FMO3: variants seen among roughly 807,000 people sequenced by gnomAD.
FMO3 encodes flavin-containing monooxygenase 3.
A neutral mutation model predicts 39.4 loss-of-function variants in FMO3; 40 were observed. That is an observed-to-expected ratio of 1.02 (90% CI 0.79 to 1.32). The LOEUF is 1.32. Ranked by LOEUF, FMO3 falls within the 40% of genes most tolerant of loss-of-function variation. FMO3 has a pLI of 0.00. For missense variants in FMO3, 680 were observed against 651.8 expected, an observed-to-expected ratio of 1.04 and a Z score of -0.47; for synonymous variants, 219 against 228.8, an observed-to-expected ratio of 0.96 and a Z score of 0.39.
At chr1:171,111,654 C>G (rs777785263) in intron 6 of FMO3, among the ~76,000 whole-genome samples, 2 of 152,168 alleles carry the variant, frequency 1.3e-5, no homozygotes, top group Admixed American at 1.3e-4. Flanking sequence ...TCTCCTATAA[C>G]GTCCTCCAAG....
intron 2 of FMO3, among the ~76,000 whole-genome samples, chr1:171,095,900 T>C (rs1461591852): frequency 1.6e-4 from 1 of 6,158 alleles, no homozygotes; most frequent in Admixed American, 4.1e-3. Context: ...TATATAATTA[T>C]AATATGTATA....
At position 171,093,888 on chromosome 1, in the gene FMO3, G is replaced by T. The variant is rs995940891; in HGVS notation, c.132+1098G>T. Among the ~76,000 whole-genome samples, 44 of 139,706 alleles carry T rather than the reference G, an allele frequency of 3.1e-4. 1 individual carries two copies. The highest frequency in any genetic ancestry group is 1.1e-3 in the African/African-American group (41 of 36,502). 91.7% of individuals were successfully genotyped at this position (139,706 alleles called of 152,430 possible). ...CTCACTCTGTCTCCCAGGCTGGAGG[G>T]CAGTGGCGCCATCTCAGTTCACTGC... On this transcript the variant is annotated intron_variant, in intron 2 of 8. Transcript: ENST00000367755.
intron 8 of FMO3, among the ~76,000 whole-genome samples, chr1:171,116,706 G>C (rs1045783194): frequency 2.6e-5 from 4 of 152,146 alleles, no homozygotes; most frequent in African/African-American, 9.7e-5. Flanking sequence ...AGAAAAGTGA[G>C]AATGAATCTG....
intron 2 of FMO3, among the ~76,000 whole-genome samples, chr1:171,099,150 T>C (rs934282750): frequency 6.6e-6 from 1 of 152,188 alleles, no homozygotes; most frequent in Non-Finnish European, 1.5e-5. Context: ...TTCATTTCAT[T>C]ATGTACCCAG....
intron 6 of FMO3, among the ~76,000 whole-genome samples, chr1:171,112,737 T>G (rs1287363296): frequency 6.6e-6 from 1 of 151,992 alleles, no homozygotes; most frequent in East Asian, 1.9e-4. Flanking sequence ...AAACCAGAAG[T>G]TAAAACTCTG....
chr1:171,096,807 T>C (rs1448921657), intron 2 of FMO3, among the ~76,000 whole-genome samples: 1 of 135,552 alleles, frequency 7.4e-6, no homozygotes, highest in East Asian at 2.8e-4. Context: ...TTTGTAATTA[T>C]ACTTTAAGTT....
intron 8 of FMO3, 60 bp from the exon 9 acceptor site, chr1:171,117,040 C>G: frequency 7.7e-7 from 1 of 1,292,762 alleles, no homozygotes; most frequent in Non-Finnish European, 1.1e-6. Context: ...GCCATTTTCT[C>G]TGTTCTGTTT....
Position 171,116,284 on chromosome 1 carries a change from A to G in FMO3, c.1256+4A>G. 6.7e-7 allele frequency: 1 copy of G among 1,497,650 alleles called. No homozygotes were observed. Among genetic ancestry groups the G allele is most frequent in the Non-Finnish European group, 9.3e-7 (1 of 1,074,554 alleles). 92.8% of individuals were successfully genotyped at this position (1,497,650 alleles called of 1,614,324 possible). On this transcript the variant is annotated splice_donor_region_variant and intron_variant, in intron 8 of 8. Coordinates refer to ENST00000367755, the MANE Select transcript of FMO3 (RefSeq NM_001002294.3). ...AAATGGAGAAAAAGCGCAAATGGTA[A>G]GAGTACCTATTGTAATAGGAGTGTA...
intron 6 of FMO3, among the ~76,000 whole-genome samples, 193 bp from the exon 7 acceptor site, chr1:171,113,814 G>A (rs16864050): frequency 0.014 from 2,182 of 152,186 alleles, 43 homozygotes; most frequent in African/African-American, 0.05. Flanking sequence ...GATGGGGCCA[G>A]CAAATAACAA....
chr1:171,104,621 C>T (rs893032500), intron 3 of FMO3, among the ~76,000 whole-genome samples: 1 of 152,208 alleles, frequency 6.6e-6, no homozygotes, highest in Admixed American at 6.5e-5. Flanking sequence ...ATCTTATAGT[C>T]CCAACACTTT....
intron 5 of FMO3, among the ~76,000 whole-genome samples, chr1:171,108,468 A>C (rs1246365162): frequency 6.6e-6 from 1 of 152,184 alleles, no homozygotes; most frequent in African/African-American, 2.4e-5. Flanking sequence ...TTTGATGCCT[A>C]ATATCTCGGA....
rs1219025730 is a variant in FMO3 at position 171,107,657 on chromosome 1, T to C, written c.322-18T>C. Reference sequence around the variant, plus strand: ...TGCTAGCATAGAAAAGAGGGATTTCTTTCTGTATTTCTCTTAGACATTTGT... The same window carrying C: ...TGCTAGCATAGAAAAGAGGGATTTCCTTCTGTATTTCTCTTAGACATTTGT... On this transcript the variant is annotated intron_variant, in intron 3 of 8. Transcript: ENST00000367755. The C allele has an allele frequency of 6.2e-7, 1 of 1,609,954 alleles. No individual in the cohort carries two copies.
Position 171,117,140 on chromosome 1 carries a change from T to C in FMO3, c.1297T>C (p.Tyr433His). Residue 433 changes from tyrosine to histidine, a missense_variant, in exon 9 of 9, where the codon TAT becomes CAT. Tyr to His is a moderately conservative substitution (Grantham distance 83, BLOSUM62 2). Transcript: ENST00000367755. ...GACCATACAGACAGATTACATTGTT[T>C]ATATGGATGAACTCTCCTCCTTCAT... ...SETIQTDYIV[Y>H]MDELSSFIGA... The C allele has an allele frequency of 1.2e-6, 2 of 1,614,206 alleles. No individual in the cohort carries two copies. Among genetic ancestry groups the C allele is most frequent in the Non-Finnish European group, 1.7e-6 (2 of 1,180,010 alleles).
chr1:171,117,075 G>A, intron 8 of FMO3, 25 bp from the exon 9 acceptor site: 2 of 1,558,024 alleles, frequency 1.3e-6, no homozygotes, highest in Non-Finnish European at 8.9e-7. Flanking sequence ...GGTATCCACA[G>A]TGGTGTTTTC....
intron 2 of FMO3, among the ~76,000 whole-genome samples, chr1:171,096,796 A>ATT (rs990179417): frequency 3.6e-4 from 47 of 130,294 alleles, no homozygotes; most frequent in African/African-American, 1.0e-3. Context: ...AAATATATAT[A>ATT]TTTGTAATTA....
At chr1:171,099,863 C>T (rs999730076) in intron 2 of FMO3, 2 of 149,770 alleles carry the variant, frequency 1.3e-5, no homozygotes, top group Non-Finnish European at 1.5e-5. Context: ...GAGCTCACTA[C>T]AACCTCCACC....
At chr1:171,096,209 T>C (rs1655032196) in intron 2 of FMO3, among the ~76,000 whole-genome samples, 1 of 77,294 alleles carries the variant, frequency 1.3e-5, no homozygotes, top group South Asian at 4.8e-4. Flanking sequence ...ATCAATATAA[T>C]ATTTATATAT....
chr1:171,099,759 C>CTTTTTTTTTTTTTTTTTT (rs747274398), intron 2 of FMO3: 22 of 117,580 alleles, frequency 1.9e-4, no homozygotes, highest in East Asian at 2.5e-4. Context: ...CCATGTCTTT[C>CTTTTTTTTTTTTTTTTTT]TTTTTTTTTT....
intron 2 of FMO3, among the ~76,000 whole-genome samples, chr1:171,096,556 T>TTAA (rs1367717310): frequency 1.7e-5 from 1 of 60,536 alleles, no homozygotes; most frequent in African/African-American, 9.8e-5. Context: ...CTATACTTTA[T>TTAA]ATATTAAATA....
Sources: allele counts gnomAD v4.1 joint callset (sites outside exome capture counted in the v4.1 genomes callset), GRCh38; gene constraint gnomAD v4.1.1; transcripts MANE v1.5; gene names NCBI Gene and HGNC (gene_info 2026-07-23, HGNC 2026-07-21).